ERBB4: variants seen among roughly 807,000 people sequenced by gnomAD.
ERBB4 encodes receptor tyrosine-protein kinase erbB-4.
ERBB4 carries 42 observed loss-of-function variants against 158.0 expected under a neutral mutation model. The observed-to-expected ratio is 0.27, with a 90% CI of 0.21 to 0.34. ERBB4 has a LOEUF of 0.34. Ranked by LOEUF, ERBB4 falls within the 10% of genes least tolerant of loss-of-function variation. ERBB4 has a pLI of 1.00. For synonymous variants in ERBB4, 583 were observed against 558.7 expected (o/e 1.04, Z -0.61); for missense variants, 1,333 against 1,624.1 (o/e 0.82, Z 3.08).
Position 211,432,846 on chromosome 2 carries a change from G to A in ERBB4, c.2488-1746C>T, listed in dbSNP as rs554622537. ...CAGATAAGGTCTGTATATTAAAGGA[G>A]AACAGAAGCTAATTAATAAAGTGGG... On this transcript the variant is annotated intron_variant, in intron 20 of 27. Coordinates refer to ENST00000342788, the MANE Select transcript of ERBB4 (RefSeq NM_005235.3). 5.9e-5 allele frequency among the ~76,000 whole-genome samples: 9 copies of A among 152,310 alleles called. 2 individuals are homozygous for A. Among genetic ancestry groups the A allele is most frequent in the African/African-American group, 2.2e-4 (9 of 41,578 alleles).
intron 1 of ERBB4, among the ~76,000 whole-genome samples, chr2:212,394,654 G>A (rs571832355): frequency 6.6e-6 from 1 of 152,052 alleles, no homozygotes; most frequent in Non-Finnish European, 1.5e-5. Context: ...GCTTCCATGT[G>A]CTTATTTCAT....
At chr2:211,552,147 T>C (rs1002437817) in intron 20 of ERBB4, among the ~76,000 whole-genome samples, 1 of 152,088 alleles carries the variant, frequency 6.6e-6, no homozygotes, top group African/African-American at 2.4e-5. Context: ...ATAATCAGGT[T>C]TTATTAGCTC....
At chr2:211,650,657 G>T (rs2070947181) in intron 16 of ERBB4, among the ~76,000 whole-genome samples, 2 of 151,974 alleles carry the variant, frequency 1.3e-5, no homozygotes, top group Admixed American at 1.3e-4. Context: ...TTAAATCAAA[G>T]TTTCATGATG....
At chr2:211,507,304 C>T (rs552683940) in intron 20 of ERBB4, among the ~76,000 whole-genome samples, 1 of 152,114 alleles carries the variant, frequency 6.6e-6, no homozygotes, top group Non-Finnish European at 1.5e-5. Flanking sequence ...AGTACCTGTC[C>T]TACTGAAATT....
rs146119892 is a variant in ERBB4, at chr2:211,555,216, G to A, written c.2487+6687C>T. Among the ~76,000 whole-genome samples, 121 of 151,790 alleles carry A rather than the reference G, an allele frequency of 8.0e-4. 1 individual carries two copies. The South Asian group carries it at 0.014, about 17-fold the overall frequency. ...CTTTTTTTTTTTGAGACGGAGTTTC[G>A]CTCTTGTTGCCCAGGCTGGAGTGCA... On this transcript the variant is annotated intron_variant, in intron 20 of 27. Coordinates refer to ENST00000342788, the MANE Select transcript of ERBB4 (RefSeq NM_005235.3).
At chr2:212,274,253 G>T (rs2085446414) in intron 1 of ERBB4, among the ~76,000 whole-genome samples, 1 of 151,812 alleles carries the variant, frequency 6.6e-6, no homozygotes, top group South Asian at 2.1e-4. Flanking sequence ...ACTTTTTCTT[G>T]TAATGTTAAG....
chr2:212,374,003 TATATATCC>T (rs2090218870), intron 1 of ERBB4, among the ~76,000 whole-genome samples: 1 of 127,500 alleles, frequency 7.8e-6, no homozygotes, highest in Non-Finnish European at 1.7e-5. Flanking sequence ...TATCCATATA[TATATATCC>T]ATATATATCC....
intron 3 of ERBB4, among the ~76,000 whole-genome samples, chr2:211,944,266 G>T (rs1372856133): frequency 1.4e-5 from 2 of 138,890 alleles, no homozygotes; most frequent in Non-Finnish European, 3.1e-5. Context: ...CAAAACTCTT[G>T]GTTACAACAC....
chr2:212,330,117 T>C (rs1468710852), intron 1 of ERBB4, among the ~76,000 whole-genome samples: 1 of 152,086 alleles, frequency 6.6e-6, no homozygotes, highest in Non-Finnish European at 1.5e-5. Context: ...GAGTTTAAGC[T>C]TTGATTTGGC....
chr2:212,103,794 A>C (rs957997404), intron 2 of ERBB4, among the ~76,000 whole-genome samples: 3 of 152,048 alleles, frequency 2.0e-5, no homozygotes, highest in African/African-American at 7.2e-5. Flanking sequence ...ATAATAATTA[A>C]ACATGATTTA....
chr2:212,325,494 G>T (rs1390362436), intron 1 of ERBB4, among the ~76,000 whole-genome samples: 1 of 150,678 alleles, frequency 6.6e-6, no homozygotes, highest in Non-Finnish European at 1.5e-5. Context: ...AGTTATAACA[G>T]AAATGCTTTA....
chr2:212,026,632 C>A lies in ERBB4; in HGVS notation c.235-79016G>T, dbSNP rs142012650. Among the ~76,000 whole-genome samples, 114 of 151,926 alleles carry A rather than the reference C, an allele frequency of 7.5e-4. 1 individual carries two copies. The highest frequency in any genetic ancestry group is 2.6e-3 in the African/African-American group (107 of 41,520). On this transcript the variant is annotated intron_variant, in intron 2 of 27. Coordinates refer to ENST00000342788, the MANE Select transcript of ERBB4 (RefSeq NM_005235.3). ...AGTGTACATGATGCTAAATGGTGGG[C>A]ACAATCTTTCAAAATGGAATATGAA... is the stretch of plus-strand genomic sequence containing the variant.
chr2:211,748,761 G>A (rs368780046), intron 5 of ERBB4, among the ~76,000 whole-genome samples: 3 of 152,238 alleles, frequency 2.0e-5, no homozygotes, highest in South Asian at 2.1e-4. Context: ...TTGATACCTC[G>A]GTAGTTTTTT....
chr2:212,494,349 CAGAAAG>C (rs1690442926), intron 1 of ERBB4, among the ~76,000 whole-genome samples: 1 of 151,906 alleles, frequency 6.6e-6, no homozygotes, highest in African/African-American at 2.4e-5. Context: ...AATGTGCACA[CAGAAAG>C]ACTCCATAGA....
intron 2 of ERBB4, among the ~76,000 whole-genome samples, chr2:212,034,833 T>C (rs1281352279): frequency 1.3e-5 from 2 of 152,182 alleles, no homozygotes; most frequent in African/African-American, 2.4e-5. Flanking sequence ...ATAAGAAATA[T>C]ATGTGAGACT....
chr2:211,961,246 T>G (rs1336996237), intron 2 of ERBB4, among the ~76,000 whole-genome samples: 3 of 151,462 alleles, frequency 2.0e-5, no homozygotes, highest in Non-Finnish European at 4.4e-5. Context: ...TTCAGACTTA[T>G]TTTTTTTTCC....
chr2:211,761,465 T>G (rs1200343657), intron 4 of ERBB4, among the ~76,000 whole-genome samples: 1 of 149,758 alleles, frequency 6.7e-6, no homozygotes, highest in East Asian at 1.9e-4. Context: ...TTATTTTTTC[T>G]TTTTTTTTGG....
chr2:212,036,150 T>C (rs1021136604), intron 2 of ERBB4, among the ~76,000 whole-genome samples: 2 of 152,176 alleles, frequency 1.3e-5, no homozygotes, highest in Admixed American at 6.5e-5. Context: ...ATCAACCTCA[T>C]TGCTATCTAC....
chr2:212,511,200 T>TAC (rs904577452), intron 1 of ERBB4, among the ~76,000 whole-genome samples: 34 of 152,334 alleles, frequency 2.2e-4, no homozygotes, highest in African/African-American at 8.2e-4. Context: ...TGTCTTGTCT[T>TAC]ACCTCATTTT....
Sources: gnomAD v4.1 joint callset for allele counts (sites outside exome capture counted in the v4.1 genomes callset) on GRCh38, gnomAD v4.1.1 for gene constraint, MANE v1.5 for transcripts, NCBI Gene and HGNC (gene_info 2026-07-23, HGNC 2026-07-21) for gene names.